Variants in TRIP13 observed in about 807,000 individuals in gnomAD.
The protein encoded by TRIP13 is pachytene checkpoint protein 2 homolog.
TRIP13 carries 25 observed loss-of-function variants against 54.4 expected under a neutral mutation model. That is an observed-to-expected ratio of 0.46 (90% CI 0.33 to 0.64). The LOEUF is 0.64. Among genes scored for constraint, TRIP13 ranks in the 30% least tolerant of loss-of-function variants. The probability of loss-of-function intolerance (pLI) is 0.02; values close to 1 mark genes in which losing one functional copy is unlikely to be tolerated. For synonymous variants in TRIP13, 207 were observed against 207.8 expected (o/e 1.00, Z 0.03); for missense variants, 373 against 534.2 (o/e 0.70, Z 2.97).
rs780777917 is a variant in TRIP13 at position 915,942 on chromosome 5, T to C, written c.1172T>C (p.Leu391Pro). The C allele has an allele frequency of 6.2e-7, 1 of 1,614,112 alleles. No individual in the cohort carries two copies. The highest frequency in any genetic ancestry group is 1.7e-5 in the Admixed American group (1 of 60,020). Residue 391 changes from leucine (L) to proline (P), a missense_variant, in exon 12 of 13, where the codon CTC becomes CCC. Coordinates refer to ENST00000166345, the MANE Select transcript of TRIP13 (RefSeq NM_004237.4). The surrounding 1 kb of genome is among the most constrained non-coding windows in gnomAD (Gnocchi z 4.2). ...EGLSGRVLRKLPFLAHALYVQ... is the reference protein window; with the variant it reads ...EGLSGRVLRKPPFLAHALYVQ... ...CTCAGCGGCCGGGTCCTGAGAAAAC[T>C]CCCCTTTCTGGCTCATGCGCTGTAT...
At chr5:916,950 C>G in intron 12 of TRIP13, 58 bp from the exon 13 acceptor site, 3 of 1,544,148 alleles carry the variant, frequency 1.9e-6, no homozygotes, top group Non-Finnish European at 2.7e-6. Flanking sequence ...CTGTGGATGC[C>G]AGATGGCCCC....
chr5:905,321 G>C (rs1179932291), intron 6 of TRIP13, among the ~76,000 whole-genome samples: 1 of 152,140 alleles, frequency 6.6e-6, no homozygotes, highest in Non-Finnish European at 1.5e-5. Context: ...CAGACCACGG[G>C]CGCCCTTTAC....
At chr5:904,348 C>G in intron 6 of TRIP13, 128 bp downstream of exon 6, 1 of 729,466 alleles carries the variant, frequency 1.4e-6, no homozygotes, top group Non-Finnish European at 2.2e-6. Context: ...CACTTGATTC[C>G]TCTGTATTCA....
At chr5:906,356 A>G (rs956428140) in intron 6 of TRIP13, among the ~76,000 whole-genome samples, 2 of 152,252 alleles carry the variant, frequency 1.3e-5, no homozygotes, top group African/African-American at 2.4e-5. Flanking sequence ...TCCTCACTCT[A>G]TCAAAGAATC....
In TRIP13 at chr5:912,428, C is replaced by T. The variant is rs934514415; in HGVS notation, c.1020+432C>T. Among the ~76,000 whole-genome samples, 6 of 152,106 alleles carry T rather than the reference C, an allele frequency of 3.9e-5. No homozygotes were observed. Among genetic ancestry groups the T allele is most frequent in the Admixed American group, 3.3e-4 (5 of 15,268 alleles). On this transcript the variant is annotated intron_variant, in intron 10 of 12. Coordinates refer to ENST00000166345, the MANE Select transcript of TRIP13 (RefSeq NM_004237.4). This position sits in a 1 kb window ranked among gnomAD's most constrained non-coding sequence, Gnocchi z 7.2. ...TGGTCACGGGGTCCACATGACGTCA[C>T]GTTCTTGAGTCGCCTGTTGTGATGA...
rs897113166 is a variant in TRIP13, at chr5:915,506, C to G, written c.1134-398C>G. The stretch of plus-strand genomic sequence containing the variant: ...GGATGCTGGCCCTGGGGCAGAGGCT[C>G]CCGGGCAGGTGATGCATTCCCTGAG... On this transcript the variant is annotated intron_variant, in intron 11 of 12. Coordinates refer to ENST00000166345, the MANE Select transcript of TRIP13 (RefSeq NM_004237.4). The surrounding 1 kb of genome is among the most constrained non-coding windows in gnomAD (Gnocchi z 4.2). 4.7e-5 allele frequency among the ~76,000 whole-genome samples: 7 copies of G among 149,290 alleles called. No individual in the cohort carries two copies. Among genetic ancestry groups the G allele is most frequent in the African/African-American group, 7.5e-5 (3 of 40,108 alleles).
In TRIP13 at chr5:904,873, C is replaced by T. The variant is rs555579907; in HGVS notation, c.608+653C>T. Among the ~76,000 whole-genome samples the T allele has an allele frequency of 9.2e-5, 14 of 152,274 alleles. No homozygotes were observed. In the South Asian group the frequency reaches 2.5e-3, roughly 27 times the overall value. ...TGTTTTTTCATTATGTTCTCGTTCA[C>T]GTCTTGAACAACCCCATAATAGCTG... On this transcript the variant is annotated intron_variant, in intron 6 of 12. Transcript: ENST00000166345.
chr5:909,639 C>G (rs1241745048), intron 9 of TRIP13, among the ~76,000 whole-genome samples: 1 of 152,222 alleles, frequency 6.6e-6, no homozygotes, highest in African/African-American at 2.4e-5. Flanking sequence ...AAGTAGGGGT[C>G]GCACAGCCTT....
rs753295284 is a variant in TRIP13, at chr5:915,999, C to T, written c.1203+26C>T. 6.2e-7 allele frequency: 1 copy of T among 1,610,768 alleles called. No homozygotes were observed. On this transcript the variant is annotated intron_variant, in intron 12 of 12. Transcript: ENST00000166345. This position sits in a 1 kb window ranked among gnomAD's most constrained non-coding sequence, Gnocchi z 4.2. ...GTGAGTCTCCACTGCTGTCCTCCAGCACCCGCCCTGTCCACAGGTCTCAGC... is the reference window on the plus strand; with the variant it reads ...GTGAGTCTCCACTGCTGTCCTCCAGTACCCGCCCTGTCCACAGGTCTCAGC...
At chr5:909,492 GC>G (rs1424316506) in intron 9 of TRIP13, among the ~76,000 whole-genome samples, 1 of 152,172 alleles carries the variant, frequency 6.6e-6, no homozygotes, top group Non-Finnish European at 1.5e-5. Context: ...AGCGTATCTG[GC>G]TTCCTGAGAA....
chr5:906,510 A>G (rs1222183038), intron 6 of TRIP13, among the ~76,000 whole-genome samples: 1 of 152,164 alleles, frequency 6.6e-6, no homozygotes, highest in Non-Finnish European at 1.5e-5. Context: ...TGCTTCTTGA[A>G]CGTAATTCTT....
At chr5:905,409 G>A (rs1754093766) in intron 6 of TRIP13, among the ~76,000 whole-genome samples, 1 of 152,072 alleles carries the variant, frequency 6.6e-6, no homozygotes, top group Non-Finnish European at 1.5e-5. Context: ...GAGGATCCTG[G>A]GCACTCCTTC....
intron 9 of TRIP13, among the ~76,000 whole-genome samples, chr5:910,033 G>A (rs1754197949): frequency 6.6e-6 from 1 of 152,232 alleles, no homozygotes; most frequent in Admixed American, 6.5e-5. Flanking sequence ...AGATTTTGGG[G>A]GGCTTGTCCC....
chr5:911,793 G>C lies in TRIP13; in HGVS notation c.867-50G>C, dbSNP rs201098632. Reference sequence around the variant, plus strand: ...TGCCAGATAGGGCAGGATAGAATTGGGTCACCGACAGCCGTGATGACTGTG... The same window carrying C: ...TGCCAGATAGGGCAGGATAGAATTGCGTCACCGACAGCCGTGATGACTGTG... On this transcript the variant is annotated intron_variant, in intron 9 of 12. Coordinates refer to ENST00000166345, the MANE Select transcript of TRIP13 (RefSeq NM_004237.4). This position sits in a 1 kb window ranked among gnomAD's most constrained non-coding sequence, Gnocchi z 4.7. 495 of 1,572,700 alleles carry C rather than the reference G, an allele frequency of 3.1e-4. 1 individual carries two copies. The East Asian group carries it at 1.0e-2, about 32-fold the overall frequency.
chr5:908,284 G>A lies in TRIP13; in HGVS notation c.760-71G>A. ...TTCATCTTTTTCACGTGCTCAGCGG[G>A]ACGTATCCCCATAGCTGCCTGTGAA... On this transcript the variant is annotated intron_variant, in intron 8 of 12. Coordinates refer to ENST00000166345, the MANE Select transcript of TRIP13 (RefSeq NM_004237.4). This position sits in a 1 kb window ranked among gnomAD's most constrained non-coding sequence, Gnocchi z 5.2. 12 of 1,545,646 alleles carry A rather than the reference G, an allele frequency of 7.8e-6. No individual in the cohort carries two copies. The South Asian group carries it at 1.3e-4, about 17-fold the overall frequency.
Position 913,769 on chromosome 5 carries a change from CTG to C in TRIP13, c.1021-694_1021-693del, listed in dbSNP as rs1173611682. On this transcript the variant is annotated intron_variant, in intron 10 of 12. Transcript: ENST00000166345. This position sits in a 1 kb window ranked among gnomAD's most constrained non-coding sequence, Gnocchi z 4.5. ...ATATCCCCCAAAGCACAAGCACAAACTGTCTTAATTTTGCTCACACCCCTCAA... is the reference window on the plus strand; with the variant it reads ...ATATCCCCCAAAGCACAAGCACAAACTCTTAATTTTGCTCACACCCCTCAA... Among the ~76,000 whole-genome samples, 1 of 152,210 alleles carries C rather than the reference CTG, an allele frequency of 6.6e-6. No homozygotes were observed. Among genetic ancestry groups the C allele is most frequent in the Non-Finnish European group, 1.5e-5 (1 of 68,046 alleles).
At chr5:893,638 C>G (rs1448906122) in intron 1 of TRIP13, 1 of 166,454 alleles carries the variant, frequency 6.0e-6, no homozygotes, top group African/African-American at 2.4e-5. Context: ...GGCTGTGCTG[C>G]TCCCTGGAGT....
chr5:915,833 A>G lies in TRIP13; in HGVS notation c.1134-71A>G, dbSNP rs763487886. ...TGTGTTCCCAGGGATGCCTCGGCCA[A>G]TGAGGAAAATTAGTCCTGAAACGTG... On this transcript the variant is annotated intron_variant, in intron 11 of 12. Coordinates refer to ENST00000166345, the MANE Select transcript of TRIP13 (RefSeq NM_004237.4). The surrounding 1 kb of genome is among the most constrained non-coding windows in gnomAD (Gnocchi z 4.2). 8 of 1,553,826 alleles carry G rather than the reference A, an allele frequency of 5.1e-6. No individual in the cohort carries two copies. In the African/African-American group the frequency reaches 5.4e-5, roughly 11 times the overall value.
rs1754156010 is a variant in TRIP13, at chr5:908,164, C to T, written c.759+90C>T. On this transcript the variant is annotated intron_variant, in intron 8 of 12. Coordinates refer to ENST00000166345, the MANE Select transcript of TRIP13 (RefSeq NM_004237.4). The surrounding 1 kb of genome is among the most constrained non-coding windows in gnomAD (Gnocchi z 5.2). ...TACTCCTGATGCTCCTAGCTTTCCC[C>T]TCCTACAGCCGGGCTGCCCTCTATC... is the stretch of plus-strand genomic sequence containing the variant. 1 of 1,501,366 alleles carries T rather than the reference C, an allele frequency of 6.7e-7. No homozygotes were observed. The highest frequency in any genetic ancestry group is 9.3e-7 in the Non-Finnish European group (1 of 1,080,372). The allele number at this position is 1,501,366 out of a possible 1,614,324, so 93.0% of individuals were successfully genotyped here.
Sources: gnomAD v4.1 joint callset for allele counts (sites outside exome capture counted in the v4.1 genomes callset) on GRCh38, gnomAD v4.1.1 for gene constraint, Gnocchi (gnomAD v3.1) non-coding constraint, MANE v1.5 for transcripts, NCBI Gene and HGNC (gene_info 2026-07-23, HGNC 2026-07-21) for gene names.